Variants in SYT1 observed in about 807,000 individuals in gnomAD.
The protein encoded by SYT1 is synaptotagmin-1.
Under a neutral mutation model 44.8 loss-of-function variants are expected in SYT1, and 8 were observed. The observed-to-expected ratio is 0.18, with a 90% CI of 0.10 to 0.32. The LOEUF (loss-of-function observed/expected upper bound fraction) is 0.32, where lower values mean the gene tolerates loss of function less well. Ranked by LOEUF, SYT1 falls within the 10% of genes least tolerant of loss-of-function variation. The pLI is 1.00. For missense variants in SYT1, 286 were observed against 509.3 expected (o/e 0.56, Z 4.22); for synonymous variants, 154 against 188.8 (o/e 0.82, Z 1.51).
At chr12:79,179,427 TATAG>T (rs375709060) in intron 3 of SYT1, among the ~76,000 whole-genome samples, 141 of 30,690 alleles carry the variant, frequency 4.6e-3, no homozygotes, top group East Asian at 0.032. Context: ...GATATATCTA[TATAG>T]ATATATCCAT....
intron 2 of SYT1, chr12:78,995,925 G>T (rs1446136936): frequency 6.6e-6 from 1 of 152,282 alleles, no homozygotes; most frequent in East Asian, 1.9e-4. Context: ...CACGGAAAAT[G>T]ACATCCTTTT....
intron 3 of SYT1, among the ~76,000 whole-genome samples, chr12:79,085,700 C>T (rs1381870460): frequency 3.9e-5 from 6 of 152,248 alleles, no homozygotes; most frequent in Admixed American, 1.3e-4. Flanking sequence ...CTCCAGTTTC[C>T]TCATCTATGT....
intron 9 of SYT1, among the ~76,000 whole-genome samples, chr12:79,369,671 C>T (rs936052837): frequency 6.6e-6 from 1 of 152,194 alleles, no homozygotes; most frequent in Non-Finnish European, 1.5e-5. Flanking sequence ...AGCCAAATTA[C>T]ATACAGTATG....
At chr12:79,203,784 T>G (rs1192625947) in intron 3 of SYT1, among the ~76,000 whole-genome samples, 1 of 152,224 alleles carries the variant, frequency 6.6e-6, no homozygotes, top group Non-Finnish European at 1.5e-5. Context: ...CCCAAATTAA[T>G]TCATTGGCAC....
chr12:79,011,058 C>T (rs1301456887), intron 2 of SYT1, among the ~76,000 whole-genome samples: 3 of 152,086 alleles, frequency 2.0e-5, no homozygotes, highest in South Asian at 2.1e-4. Context: ...ACAGAATTTG[C>T]GTTCTATTTC....
intron 2 of SYT1, among the ~76,000 whole-genome samples, chr12:79,022,842 T>C (rs989809310): frequency 3.3e-5 from 5 of 151,664 alleles, no homozygotes; most frequent in Admixed American, 6.6e-5. Context: ...CTGAGTAAAA[T>C]TGGAAGCTAC....
chr12:79,033,926 C>A (rs1389095896), intron 2 of SYT1, among the ~76,000 whole-genome samples: 1 of 151,378 alleles, frequency 6.6e-6, no homozygotes, highest in Non-Finnish European at 1.5e-5. Flanking sequence ...TATCTCTAGA[C>A]CTCCATAGAC....
intron 3 of SYT1, among the ~76,000 whole-genome samples, chr12:79,056,362 C>T (rs1874945209): frequency 6.6e-6 from 1 of 152,000 alleles, no homozygotes; most frequent in South Asian, 2.1e-4. Context: ...GGAGCCCTCT[C>T]CTTGAAGGCC....
At chr12:78,909,911 T>A (rs984203892) in intron 1 of SYT1, among the ~76,000 whole-genome samples, 1 of 151,980 alleles carries the variant, frequency 6.6e-6, no homozygotes, top group Non-Finnish European at 1.5e-5. Flanking sequence ...ACTCTCTCTT[T>A]AAATAATAGT....
chr12:79,284,154 T>C (rs2138822400), intron 4 of SYT1, among the ~76,000 whole-genome samples: 1 of 152,210 alleles, frequency 6.6e-6, no homozygotes, highest in East Asian at 1.9e-4. Flanking sequence ...TCAATAGCTG[T>C]GATTTGGATT....
At chr12:79,300,348 CTT>C (rs1284704141) in intron 8 of SYT1, among the ~76,000 whole-genome samples, 1 of 152,090 alleles carries the variant, frequency 6.6e-6, no homozygotes, top group Non-Finnish European at 1.5e-5. Context: ...CGCAGTCACT[CTT>C]TAGTTCCTGA....
At chr12:79,146,405 G>T (rs1869916663) in intron 3 of SYT1, among the ~76,000 whole-genome samples, 2 of 152,186 alleles carry the variant, frequency 1.3e-5, no homozygotes, top group African/African-American at 4.8e-5. Flanking sequence ...TCACTTTAGA[G>T]AAAACTGAGG....
intron 2 of SYT1, among the ~76,000 whole-genome samples, chr12:78,992,466 A>C (rs1035721601): frequency 1.3e-5 from 2 of 152,214 alleles, no homozygotes; most frequent in African/African-American, 4.8e-5. Flanking sequence ...ATAAAATAGA[A>C]TAGAAAAAAA....
At chr12:79,247,683 A>G (rs1189474578) in intron 4 of SYT1, among the ~76,000 whole-genome samples, 2 of 152,234 alleles carry the variant, frequency 1.3e-5, no homozygotes, top group Non-Finnish European at 2.9e-5. Context: ...AACCTTCTAG[A>G]GTACACAACA....
At chr12:78,988,126 C>CA (rs1279308920) in intron 2 of SYT1, among the ~76,000 whole-genome samples, 12 of 151,798 alleles carry the variant, frequency 7.9e-5, no homozygotes, top group Non-Finnish European at 1.8e-4. Context: ...ACTCACTGAA[C>CA]AAATTTTTTT....
At chr12:79,049,348 A>G (rs911155529) in intron 3 of SYT1, among the ~76,000 whole-genome samples, 4 of 151,958 alleles carry the variant, frequency 2.6e-5, no homozygotes, top group Non-Finnish European at 5.9e-5. Flanking sequence ...GTTTCCAAAG[A>G]AGAAATTATG....
intron 1 of SYT1, among the ~76,000 whole-genome samples, chr12:78,893,946 G>A (rs978545384): frequency 9.2e-5 from 14 of 151,662 alleles, no homozygotes; most frequent in Non-Finnish European, 1.3e-4. Context: ...TTGGAATGAG[G>A]AGGCTAGCAA....
chr12:79,144,059 G>C (rs940198066), intron 3 of SYT1, among the ~76,000 whole-genome samples: 1 of 152,114 alleles, frequency 6.6e-6, no homozygotes, highest in Non-Finnish European at 1.5e-5. Flanking sequence ...ACTGCAACAG[G>C]CTTCAGCTAA....
At chr12:79,038,657 G>A (rs1371096816) in intron 2 of SYT1, among the ~76,000 whole-genome samples, 3 of 151,758 alleles carry the variant, frequency 2.0e-5, no homozygotes, top group African/African-American at 4.8e-5. Flanking sequence ...ATGGGAGAGG[G>A]TCCAAGACAG....
Sources: gnomAD v4.1 joint callset for allele counts (sites outside exome capture counted in the v4.1 genomes callset) on GRCh38, gnomAD v4.1.1 for gene constraint, MANE v1.5 for transcripts, NCBI Gene and HGNC (gene_info 2026-07-23, HGNC 2026-07-21) for gene names.